Variants in CCDC180 observed in about 807,000 individuals in gnomAD.
CCDC180 encodes coiled-coil domain-containing protein 180.
CCDC180 carries 154 observed loss-of-function variants against 209.2 expected under a neutral mutation model. That is an observed-to-expected ratio of 0.74 (90% CI 0.65 to 0.84). The LOEUF is 0.84. CCDC180 is among the 40% of genes least tolerant of loss of function. The pLI, the probability that CCDC180 is intolerant of heterozygous loss-of-function variation, is 0.00. For synonymous variants in CCDC180, 778 were observed against 749.1 expected (o/e 1.04, Z -0.63); for missense variants, 1,874 against 1,997.3 (o/e 0.94, Z 1.18).
chr9:97,325,971 C>T (rs1833517474), intron 14 of CCDC180, among the ~76,000 whole-genome samples: 1 of 152,152 alleles, frequency 6.6e-6, no homozygotes, highest in Admixed American at 6.5e-5. Flanking sequence ...GGGAATAACT[C>T]CAAGTTCTCC....
chr9:97,364,065 C>T lies in CCDC180; in HGVS notation c.3917C>T (p.Pro1306Leu), dbSNP rs1023186538. 6.2e-7 allele frequency: 1 copy of T among 1,614,014 alleles called. No individual in the cohort carries two copies. The highest frequency in any genetic ancestry group is 2.2e-5 in the East Asian group (1 of 44,892). The change falls in exon 29 of 37, where the codon CCC (proline) becomes CTC (leucine). Residue 1306 changes from proline to leucine, a missense_variant. Transcript: ENST00000529487. ...TTGTCCCACAGCTTCACACCGCACC[C>T]CAAGCCCAACAAAATGGAGAGAAAG... Reference protein sequence around the residue: ...ATSAGSFTPHPKPNKMERKYR... With the variant: ...ATSAGSFTPHLKPNKMERKYR...
At chr9:97,322,779 T>C (rs544214581) in intron 11 of CCDC180, 54 bp from the exon 12 acceptor site, 1 of 1,526,858 alleles carries the variant, frequency 6.5e-7, no homozygotes, top group East Asian at 2.3e-5. Flanking sequence ...GACACTCCCC[T>C]TTCTAATCTT....
chr9:97,345,472 C>T, intron 19 of CCDC180: 1 of 353,570 alleles, frequency 2.8e-6, no homozygotes, highest in Non-Finnish European at 5.4e-6. Context: ...TATTGTATAC[C>T]TTTAAAAATA....
intron 22 of CCDC180, among the ~76,000 whole-genome samples, chr9:97,351,376 A>G (rs1023732463): frequency 5.9e-5 from 9 of 152,010 alleles, no homozygotes; most frequent in African/African-American, 1.5e-4. Flanking sequence ...AGGTGTTTCT[A>G]TGTTGTGGTT....
At chr9:97,344,239 TC>T (rs2118784276) in intron 19 of CCDC180, among the ~76,000 whole-genome samples, 1 of 152,310 alleles carries the variant, frequency 6.6e-6, no homozygotes, top group Non-Finnish European at 1.5e-5. Context: ...CTCTACAATG[TC>T]ATAGGAGGGC....
chr9:97,312,183 G>A lies in CCDC180; in HGVS notation c.331G>A (p.Gly111Ser). 1.2e-6 allele frequency: 2 copies of A among 1,613,978 alleles called. No individual in the cohort carries two copies. The highest frequency in any genetic ancestry group is 1.7e-6 in the Non-Finnish European group (2 of 1,179,906). ...ENTIAAREVR[G>S]LMDTIVPEKI... ...CACCATCGCTGCCCGAGAAGTGCGG[G>A]GTCTCATGGATACTATAGGTGAGCC... is the stretch of plus-strand genomic sequence containing the variant. Residue 111 changes from glycine (G) to serine (S), a missense_variant, in exon 4 of 37, where the codon GGT becomes AGT. By Grantham distance (56) the Gly-to-Ser change is moderately conservative (BLOSUM62 0). Transcript: ENST00000529487.
At position 97,325,082 on chromosome 9, in the gene CCDC180, C is replaced by G. The variant is rs1451699565; in HGVS notation, c.1435C>G (p.Gln479Glu). The change falls in exon 14 of 37, where the codon CAG becomes GAG. Residue 479 changes from glutamine to glutamate, a missense_variant. Coordinates refer to ENST00000529487, the MANE Select transcript of CCDC180 (RefSeq NM_020893.6). Reference sequence around the variant, plus strand: ...GAGTTCACACCTCTTCAAGTATTTCCAGGAGGTGGTACAACTGTGGGAGGC... The same window carrying G: ...GAGTTCACACCTCTTCAAGTATTTCGAGGAGGTGGTACAACTGTGGGAGGC... Reference protein sequence around the residue: ...WQSSHLFKYFQEVVQLWEAHQ... With the variant: ...WQSSHLFKYFEEVVQLWEAHQ... 2 of 1,613,972 alleles carry G rather than the reference C, an allele frequency of 1.2e-6. No individual in the cohort carries two copies. The highest frequency in any genetic ancestry group is 4.5e-5 in the East Asian group (2 of 44,882).
intron 24 of CCDC180, 148 bp downstream of exon 24, chr9:97,355,156 C>G (rs1292806409): frequency 1.6e-6 from 1 of 608,014 alleles, no homozygotes; most frequent in Non-Finnish European, 2.9e-6. Context: ...TCTTTTTTTT[C>G]TTTTTTTCTT....
intron 32 of CCDC180, 91 bp from the exon 33 acceptor site, chr9:97,370,550 G>A (rs1027211496): frequency 1.4e-6 from 2 of 1,455,210 alleles, no homozygotes; most frequent in African/African-American, 2.8e-5. Context: ...GAGGACATGA[G>A]TCTGGCCATA....
Position 97,370,782 on chromosome 9 carries a change from A to G in CCDC180, c.4488+4A>G. On this transcript the variant is annotated splice_donor_region_variant and intron_variant, in intron 33 of 36. Transcript: ENST00000529487. ...GATGAACAAGGAGAAGCTGGAGGTCAGTGATACCATTGATTCGCCAGTCCA... is the reference window on the plus strand; with the variant it reads ...GATGAACAAGGAGAAGCTGGAGGTCGGTGATACCATTGATTCGCCAGTCCA... The G allele has an allele frequency of 1.2e-6, 2 of 1,613,518 alleles. No individual in the cohort carries two copies. Among genetic ancestry groups the G allele is most frequent in the Non-Finnish European group, 1.7e-6 (2 of 1,179,764 alleles).
At chr9:97,337,411 T>C (rs1157100246) in intron 18 of CCDC180, among the ~76,000 whole-genome samples, 1 of 152,214 alleles carries the variant, frequency 6.6e-6, no homozygotes, top group Non-Finnish European at 1.5e-5. Context: ...TCTGCATCTA[T>C]TGAGATAATC....
chr9:97,326,638 G>A lies in CCDC180; in HGVS notation c.1630G>A (p.Val544Ile). The part of the protein sequence containing the change: ...KETLAFHLEK[V>I]KDYLKNMKSR... The stretch of plus-strand genomic sequence containing the variant: ...AACACTGGCGTTTCACCTGGAAAAG[G>A]TCAAAGATTATCTGAAGAACATGAA... Residue 544 changes from valine to isoleucine, a missense_variant, in exon 15 of 37, where the codon GTC becomes ATC. Coordinates refer to ENST00000529487, the MANE Select transcript of CCDC180 (RefSeq NM_020893.6). The A allele has an allele frequency of 2.5e-6, 4 of 1,612,874 alleles. No individual in the cohort carries two copies. The highest frequency in any genetic ancestry group is 3.4e-6 in the Non-Finnish European group (4 of 1,178,900).
In CCDC180 at chr9:97,318,515, C is replaced by T. The variant is rs200323672; in HGVS notation, c.1012C>T (p.Leu338=). 3 of 1,613,824 alleles carry T rather than the reference C, an allele frequency of 1.9e-6. No homozygotes were observed. The highest frequency in any genetic ancestry group is 2.5e-6 in the Non-Finnish European group (3 of 1,179,970). Reference sequence around the variant, plus strand: ...TACTCCCCCGGCTGTGACGAAGGAGCTAGAGGTCATGCTGAAGACCCAGAA... The same window carrying T: ...TACTCCCCCGGCTGTGACGAAGGAGTTAGAGGTCATGCTGAAGACCCAGAA... The part of the protein sequence containing the change: ...IHTPPAVTKE[L]EVMLKTQNVL... Residue 338 remains leucine (L), a synonymous_variant, in exon 10 of 37, where the codon CTA becomes TTA. Coordinates refer to ENST00000529487, the MANE Select transcript of CCDC180 (RefSeq NM_020893.6).
chr9:97,361,836 G>A lies in CCDC180; in HGVS notation c.3594G>A (p.Leu1198=), dbSNP rs558129306. The A allele has an allele frequency of 1.5e-5, 25 of 1,614,184 alleles. No individual in the cohort carries two copies. The South Asian group carries it at 2.5e-4, about 16-fold the overall frequency. ...TCACCCCTGAGTCCTTCACCCAGCTGAGCCGCGTGGGGAAGCCCCTGATTG... is the reference window on the plus strand; with the variant it reads ...TCACCCCTGAGTCCTTCACCCAGCTAAGCCGCGTGGGGAAGCCCCTGATTG... The part of the protein sequence containing the change: ...DVVTPESFTQ[L]SRVGKPLIED... Residue 1198 remains leucine, a synonymous_variant, in exon 27 of 37, where the codon CTG becomes CTA. Coordinates refer to ENST00000529487, the MANE Select transcript of CCDC180 (RefSeq NM_020893.6).
In CCDC180 at chr9:97,320,171, G is replaced by T. The variant is rs573760855; in HGVS notation, c.1125G>T (p.Trp375Cys). 2.9e-5 allele frequency: 46 copies of T among 1,614,014 alleles called. No individual in the cohort carries two copies. The highest frequency in any genetic ancestry group is 3.4e-5 in the Non-Finnish European group (40 of 1,180,026). Residue 375 changes from tryptophan to cysteine, a missense_variant, in exon 11 of 37, where the codon TGG (tryptophan) becomes TGT (cysteine). Physicochemically the swap from Trp to Cys is radical, Grantham distance 215 (BLOSUM62 -2). Transcript: ENST00000529487. The part of the protein sequence containing the change: ...PSYSKTQLTE[W>C]HSSLNSLNKE... Reference sequence around the variant, plus strand: ...ACAGCAAAACTCAGCTGACTGAGTGGCATTCTTCCCTCAACTCCCTGAACA... The same window carrying T: ...ACAGCAAAACTCAGCTGACTGAGTGTCATTCTTCCCTCAACTCCCTGAACA...
intron 36 of CCDC180, 59 bp from the exon 37 acceptor site, chr9:97,376,704 A>G (rs1827268339): frequency 1.3e-6 from 2 of 1,574,416 alleles, no homozygotes; most frequent in African/African-American, 1.3e-5. Flanking sequence ...GCATTGCCCT[A>G]GGGGAGAGGG....
intron 30 of CCDC180, 70 bp downstream of exon 30, chr9:97,365,809 T>C (rs1004088870): frequency 1.7e-5 from 24 of 1,381,982 alleles, no homozygotes; most frequent in Non-Finnish European, 2.0e-5. Flanking sequence ...CTGCTGATCA[T>C]GGCCGCTTGG....
chr9:97,356,213 C>G (rs189897419), intron 24 of CCDC180, among the ~76,000 whole-genome samples: 1 of 152,262 alleles, frequency 6.6e-6, no homozygotes, highest in East Asian at 1.9e-4. Flanking sequence ...CTGCATAGGT[C>G]AATGCCCATT....
At chr9:97,351,580 C>G (rs1826421324) in intron 22 of CCDC180, among the ~76,000 whole-genome samples, 1 of 152,138 alleles carries the variant, frequency 6.6e-6, no homozygotes, top group African/African-American at 2.4e-5. Flanking sequence ...ATCTTTTGAT[C>G]ATTAGAGCAT....
Sources: allele counts gnomAD v4.1 joint callset (sites outside exome capture counted in the v4.1 genomes callset), GRCh38; gene constraint gnomAD v4.1.1; transcripts MANE v1.5; gene names NCBI Gene and HGNC (gene_info 2026-07-23, HGNC 2026-07-21).